Variants in CTNNA3 observed in about 807,000 individuals in gnomAD.
CTNNA3 encodes catenin alpha 3.
CTNNA3 carries 76 observed loss-of-function variants against 95.7 expected under a neutral mutation model. That is an observed-to-expected ratio of 0.79 (90% CI 0.66 to 0.96). The LOEUF is 0.96. Among genes scored for constraint, CTNNA3 ranks in the 40% least tolerant of loss-of-function variants. The pLI is 0.00. For missense variants in CTNNA3, 1,191 were observed against 1,089.8 expected, an observed-to-expected ratio of 1.09 and a Z score of -1.31; for synonymous variants, 431 against 374.4, an observed-to-expected ratio of 1.15 and a Z score of -1.74.
intron 6 of CTNNA3, among the ~76,000 whole-genome samples, chr10:67,207,728 C>T (rs1863964271): frequency 6.6e-6 from 1 of 152,186 alleles, no homozygotes; most frequent in Non-Finnish European, 1.5e-5. Flanking sequence ...ATCTTACAAA[C>T]CTGCAAGATT....
At chr10:67,306,886 C>T (rs117149105) in intron 5 of CTNNA3, among the ~76,000 whole-genome samples, 151 of 152,186 alleles carry the variant, frequency 9.9e-4, no homozygotes, top group Middle Eastern at 6.8e-3. Flanking sequence ...GAAGAGTATT[C>T]CAGAGGAAAC....
At chr10:66,816,545 G>A (rs1373520097) in intron 7 of CTNNA3, among the ~76,000 whole-genome samples, 1 of 152,028 alleles carries the variant, frequency 6.6e-6, no homozygotes, top group African/African-American at 2.4e-5. Context: ...TGACAGTATT[G>A]AAAGAACAAA....
In CTNNA3 at chr10:66,603,091, C is replaced by T. The variant is rs1329280228; in HGVS notation, c.1374+18601G>A. ...AACATAGTACTGGAAGTTCTAGTCA[C>T]GGCAACTAGGCAAAAGAAACAAAGA... On this transcript the variant is annotated intron_variant, in intron 10 of 17. Coordinates refer to ENST00000433211, the MANE Select transcript of CTNNA3 (RefSeq NM_013266.4). Among the ~76,000 whole-genome samples, 9 of 151,924 alleles carry T rather than the reference C, an allele frequency of 5.9e-5. No individual in the cohort carries two copies. In the South Asian group the frequency reaches 1.0e-3, roughly 18 times the overall value.
intron 10 of CTNNA3, among the ~76,000 whole-genome samples, chr10:66,536,447 A>T (rs1287431662): frequency 2.0e-5 from 3 of 146,374 alleles, no homozygotes; most frequent in Non-Finnish European, 4.5e-5. Context: ...ACGCCACTGC[A>T]CTCCAGCCTG....
chr10:66,035,592 C>G (rs1408458858), intron 15 of CTNNA3, among the ~76,000 whole-genome samples: 1 of 149,886 alleles, frequency 6.7e-6, no homozygotes, highest in African/African-American at 2.5e-5. Flanking sequence ...TCAGTAGATA[C>G]TTTGATACTT....
chr10:67,016,216 C>T (rs1051571196), intron 7 of CTNNA3, among the ~76,000 whole-genome samples: 3 of 152,116 alleles, frequency 2.0e-5, no homozygotes, highest in African/African-American at 4.8e-5. Flanking sequence ...AATGAGATAG[C>T]AACTGACCAA....
Position 66,080,327 on chromosome 10 carries a change from T to C in CTNNA3, c.1978-10838A>G, listed in dbSNP as rs186775085. ...TTCTTCAAAATCACTCTTATATATA[T>C]ACAAGAGAGTGATCTTGTATAACTA... On this transcript the variant is annotated intron_variant, in intron 14 of 17. Transcript: ENST00000433211. Among the ~76,000 whole-genome samples the C allele has an allele frequency of 1.5e-3, 221 of 152,056 alleles. 1 individual carries two copies. The highest frequency in any genetic ancestry group is 3.9e-3 in the Admixed American group (60 of 15,266).
At chr10:66,985,699 C>T (rs565131419) in intron 7 of CTNNA3, among the ~76,000 whole-genome samples, 1 of 152,178 alleles carries the variant, frequency 6.6e-6, no homozygotes, top group South Asian at 2.1e-4. Context: ...CTAGTCACTT[C>T]CTACCACATT....
intron 11 of CTNNA3, among the ~76,000 whole-genome samples, chr10:66,429,361 C>A (rs1589237090): frequency 6.6e-6 from 1 of 152,114 alleles, no homozygotes; most frequent in Non-Finnish European, 1.5e-5. Context: ...TGAAACTATT[C>A]CAACCAATAG....
intron 3 of CTNNA3, among the ~76,000 whole-genome samples, chr10:67,569,148 G>T (rs1259261374): frequency 1.3e-5 from 2 of 152,016 alleles, no homozygotes; most frequent in Non-Finnish European, 2.9e-5. Context: ...ACTACTAATT[G>T]CTAAAAAAAC....
At chr10:66,504,149 A>T (rs993170006) in intron 11 of CTNNA3, among the ~76,000 whole-genome samples, 1 of 152,110 alleles carries the variant, frequency 6.6e-6, no homozygotes, top group Non-Finnish European at 1.5e-5. Flanking sequence ...GATCTCTTGA[A>T]CTTATTCCTC....
At chr10:65,993,493 T>A (rs927949983) in intron 15 of CTNNA3, among the ~76,000 whole-genome samples, 8 of 152,350 alleles carry the variant, frequency 5.3e-5, no homozygotes, top group South Asian at 2.1e-4. Flanking sequence ...ATCTTTAATA[T>A]AATGACCTTC....
At chr10:66,441,727 G>A (rs1026528082) in intron 11 of CTNNA3, among the ~76,000 whole-genome samples, 4 of 152,154 alleles carry the variant, frequency 2.6e-5, no homozygotes, top group Non-Finnish European at 1.5e-5. Context: ...TAAAAACACT[G>A]TGTGCAAATG....
At chr10:66,461,574 C>A (rs2093529427) in intron 11 of CTNNA3, among the ~76,000 whole-genome samples, 1 of 151,598 alleles carries the variant, frequency 6.6e-6, no homozygotes, top group African/African-American at 2.4e-5. Context: ...TGGCAGGACA[C>A]TTCTTAAGGG....
chr10:66,710,664 T>C (rs1234810285), intron 9 of CTNNA3, among the ~76,000 whole-genome samples: 1 of 151,922 alleles, frequency 6.6e-6, no homozygotes, highest in African/African-American at 2.4e-5. Context: ...CATAATTATA[T>C]ATAAATCTCT....
chr10:66,988,038 G>A (rs966301505), intron 7 of CTNNA3, among the ~76,000 whole-genome samples: 35 of 152,072 alleles, frequency 2.3e-4, no homozygotes, highest in African/African-American at 7.5e-4. Context: ...ATATAATTTA[G>A]TCTTTTTGTC....
intron 15 of CTNNA3, among the ~76,000 whole-genome samples, chr10:66,058,316 T>C (rs1292037054): frequency 1.3e-5 from 2 of 152,082 alleles, no homozygotes; most frequent in Non-Finnish European, 2.9e-5. Context: ...CAGGGTTGTA[T>C]CTTAGAAAAG....
chr10:66,944,587 T>C (rs1161620853), intron 7 of CTNNA3, among the ~76,000 whole-genome samples: 1 of 152,190 alleles, frequency 6.6e-6, no homozygotes. Context: ...AGGTTTTCAA[T>C]TTACTTTGCC....
intron 9 of CTNNA3, among the ~76,000 whole-genome samples, chr10:66,681,841 T>G (rs1376268460): frequency 6.6e-6 from 1 of 152,034 alleles, no homozygotes; most frequent in African/African-American, 2.4e-5. Flanking sequence ...TTTTTGGGGG[T>G]TTGTGTTTAT....
Sources: allele counts gnomAD v4.1 joint callset (sites outside exome capture counted in the v4.1 genomes callset), GRCh38; gene constraint gnomAD v4.1.1; transcripts MANE v1.5; gene names NCBI Gene and HGNC (gene_info 2026-07-23, HGNC 2026-07-21).